TTC34: variants seen among roughly 807,000 people sequenced by gnomAD.
TTC34 encodes the protein tetratricopeptide repeat protein 34.
TTC34 carries 44 observed loss-of-function variants against 40.7 expected under a neutral mutation model. That is an observed-to-expected ratio of 1.08 (90% CI 0.85 to 1.39). The LOEUF is 1.39. Ranked by LOEUF, TTC34 falls within the 40% of genes most tolerant of loss-of-function variation. TTC34 has a pLI of 0.00. For missense variants in TTC34, 884 were observed against 838.0 expected (o/e 1.05, Z -0.68); for synonymous variants, 422 against 398.6 (o/e 1.06, Z -0.70).
chr1:2,757,294 G>T (rs1266925106), intron 6 of TTC34, among the ~76,000 whole-genome samples: 1 of 142,770 alleles, frequency 7.0e-6, no homozygotes, highest in African/African-American at 2.8e-5. Flanking sequence ...TGACAGCCTG[G>T]AACAGCACCC....
At chr1:2,784,353 C>T (rs1378705081) in intron 5 of TTC34, among the ~76,000 whole-genome samples, 1 of 152,176 alleles carries the variant, frequency 6.6e-6, no homozygotes, top group Non-Finnish European at 1.5e-5. Context: ...CAAAGAGGAA[C>T]CAGGAGTATG....
chr1:2,673,467 A>C (rs1375708256), intron 6 of TTC34, among the ~76,000 whole-genome samples: 262 of 58,120 alleles, frequency 4.5e-3, no homozygotes, highest in Middle Eastern at 0.022. Flanking sequence ...CCTGGAACAG[A>C]ACCCACACGC....
chr1:2,682,912 C>A (rs372681962), intron 6 of TTC34, among the ~76,000 whole-genome samples: 841 of 115,478 alleles, frequency 7.3e-3, no homozygotes, highest in Non-Finnish European at 0.01. Flanking sequence ...ACCCTGCACC[C>A]CCAGGTGAGC....
rs376550322 is a variant in TTC34, at chr1:2,677,919, G to A, written c.2227-32356C>T. ...CCAGGCGAGCATCTGACAGCCTGGAGCAGCACCCTGCACCCCCAGGTGAGC... is the reference window on the plus strand; with the variant it reads ...CCAGGCGAGCATCTGACAGCCTGGAACAGCACCCTGCACCCCCAGGTGAGC... On this transcript the variant is annotated intron_variant, in intron 6 of 8. Transcript: ENST00000401095. 0.013 allele frequency among the ~76,000 whole-genome samples: 143 copies of A among 11,288 alleles called. 12 individuals are homozygous for A. In the East Asian group the frequency reaches 0.2, roughly 16 times the overall value. The allele number at this position is 11,288 out of a possible 152,430, so 7.4% of individuals were successfully genotyped here.
At chr1:2,699,565 C>A (rs373618571) in intron 6 of TTC34, among the ~76,000 whole-genome samples, 1 of 141,830 alleles carries the variant, frequency 7.1e-6, no homozygotes. Context: ...CCTGGAGCAG[C>A]ACCCACACCC....
At chr1:2,756,898 T>TGAGCATCTGACAGCCTGGATCAGA (rs1641525160) in intron 6 of TTC34, among the ~76,000 whole-genome samples, 6 of 119,918 alleles carry the variant, frequency 5.0e-5, no homozygotes, top group South Asian at 2.9e-4. Flanking sequence ...TCTGGAGCAG[T>TGAGCATCTGACAGCCTGGATCAGA]ACCCACACCC....
At chr1:2,641,224 GTGGGGAGGGC>G in exon 9 of TTC34, 1 of 881,746 alleles carries the variant, frequency 1.1e-6, no homozygotes, top group South Asian at 2.1e-5. Flanking sequence ...GAAGGGGTGT[GTGGGGAGGGC>G]TGGGAAGGGG....
rs1643711843 is a variant in TTC34, at chr1:2,796,611, C to T, written c.784+3433G>A. Among the ~76,000 whole-genome samples the T allele has an allele frequency of 6.6e-6, 1 of 152,024 alleles. No homozygotes were observed. The highest frequency in any genetic ancestry group is 1.5e-5 in the Non-Finnish European group (1 of 68,016). Reference sequence around the variant, plus strand: ...AGAGAGCTTTAGTGTGACCCCCACCCACACCCTTAAGTCATGCCCTGCCCC... The same window carrying T: ...AGAGAGCTTTAGTGTGACCCCCACCTACACCCTTAAGTCATGCCCTGCCCC... On this transcript the variant is annotated intron_variant, in intron 2 of 8. Transcript: ENST00000401095. This position sits in a 1 kb window ranked among gnomAD's most constrained non-coding sequence, Gnocchi z 4.5.
At chr1:2,787,422 C>A (rs1643604553) in intron 4 of TTC34, 59 bp downstream of exon 4, 3 of 1,412,952 alleles carry the variant, frequency 2.1e-6, no homozygotes, top group South Asian at 1.5e-5. Context: ...GAGGCCTGTG[C>A]CCTCTTCCCA....
chr1:2,779,242 A>G (rs1643435534), intron 6 of TTC34, among the ~76,000 whole-genome samples: 1 of 152,210 alleles, frequency 6.6e-6, no homozygotes, highest in East Asian at 1.9e-4. Flanking sequence ...ATGGTGTACA[A>G]ATGTCTCTAA....
At chr1:2,769,872 C>G in intron 6 of TTC34, among the ~76,000 whole-genome samples, 1 of 99,352 alleles carries the variant, frequency 1.0e-5, no homozygotes, top group East Asian at 3.1e-4. Context: ...AGCACCCACA[C>G]CCCCAGTTGA....
chr1:2,756,438 CA>C (rs1641508007), intron 6 of TTC34, among the ~76,000 whole-genome samples: 2 of 99,508 alleles, frequency 2.0e-5, no homozygotes, highest in Admixed American at 1.0e-4. Context: ...CCCAGGTGAG[CA>C]TCTGACAGCC....
chr1:2,673,351 C>T (rs1490660615), intron 6 of TTC34, among the ~76,000 whole-genome samples: 4 of 74,374 alleles, frequency 5.4e-5, no homozygotes, highest in African/African-American at 1.3e-4. Context: ...GAGCGGAACC[C>T]ACGGCCACAG....
At chr1:2,686,369 G>A (rs1456548252) in intron 6 of TTC34, among the ~76,000 whole-genome samples, 3 of 138,840 alleles carry the variant, frequency 2.2e-5, no homozygotes, top group African/African-American at 5.8e-5. Flanking sequence ...ACCCCCAGGT[G>A]CGCATGTGAT....
chr1:2,773,297 G>C (rs1335080803), intron 6 of TTC34, among the ~76,000 whole-genome samples: 76 of 19,232 alleles, frequency 4.0e-3, no homozygotes, highest in South Asian at 5.4e-3. Flanking sequence ...GGCGCCCACA[G>C]CCCCAGGTGA....
At chr1:2,685,424 G>C (rs182530768) in intron 6 of TTC34, among the ~76,000 whole-genome samples, 1 of 136,938 alleles carries the variant, frequency 7.3e-6, no homozygotes, top group South Asian at 2.3e-4. Flanking sequence ...GGAGAGTCTG[G>C]AGCAGCGCCC....
In TTC34 at chr1:2,683,532, G is replaced by C. The variant is rs1358200629; in HGVS notation, c.2227-37969C>G. ...CCACACCACCAGGTGAGCATCTGATGGTCTGGAGCAGCACCCACAACCACA... is the reference window on the plus strand; with the variant it reads ...CCACACCACCAGGTGAGCATCTGATCGTCTGGAGCAGCACCCACAACCACA... On this transcript the variant is annotated intron_variant, in intron 6 of 8. Coordinates refer to ENST00000401095, the Ensembl canonical transcript of TTC34. Among the ~76,000 whole-genome samples the C allele has an allele frequency of 1.6e-4, 12 of 75,760 alleles. No individual in the cohort carries two copies. In the South Asian group the frequency reaches 3.3e-3, roughly 21 times the overall value. The allele number at this position is 75,760 out of a possible 152,430, so 49.7% of individuals were successfully genotyped here.
At chr1:2,751,257 G>A (rs1224764710) in intron 6 of TTC34, among the ~76,000 whole-genome samples, 24 of 66,136 alleles carry the variant, frequency 3.6e-4, no homozygotes, top group Admixed American at 1.1e-3. Context: ...CCCCCAGTGA[G>A]CATCCGACAG....
At chr1:2,788,588 C>G (rs891002559) in intron 3 of TTC34, among the ~76,000 whole-genome samples, 2 of 152,200 alleles carry the variant, frequency 1.3e-5, no homozygotes, top group African/African-American at 2.4e-5. Flanking sequence ...TAGGGATTCA[C>G]CCACTGGGCT....
Sources: gnomAD v4.1 joint callset for allele counts (sites outside exome capture counted in the v4.1 genomes callset) on GRCh38, gnomAD v4.1.1 for gene constraint, Gnocchi (gnomAD v3.1) non-coding constraint, MANE v1.5 for transcripts, NCBI Gene and HGNC (gene_info 2026-07-23, HGNC 2026-07-21) for gene names.